ZBED1: variants seen among roughly 807,000 people sequenced by gnomAD.
ZBED1 encodes E3 SUMO-protein ligase ZBED1.
ZBED1 carries 19 observed loss-of-function variants against 49.7 expected under a neutral mutation model. The ratio of observed to expected loss-of-function variants is 0.38; its 90% confidence interval spans 0.27 to 0.56. The LOEUF (loss-of-function observed/expected upper bound fraction) is 0.56, where lower values mean the gene tolerates loss of function less well. Among genes scored for constraint, ZBED1 ranks in the 20% least tolerant of loss-of-function variants. The pLI, the probability that ZBED1 is intolerant of heterozygous loss-of-function variation, is 0.70. For missense variants in ZBED1, 806 were observed against 972.6 expected, an observed-to-expected ratio of 0.83 and a Z score of 2.28; for synonymous variants, 439 against 440.3, an observed-to-expected ratio of 1.00 and a Z score of 0.04.
chrX:2,500,099 T>A (rs1161678396), intron 1 of ZBED1, among the ~76,000 whole-genome samples: 2 of 152,200 alleles, frequency 1.3e-5, no homozygotes, highest in Non-Finnish European at 2.9e-5. Flanking sequence ...CAAAACACAG[T>A]GGCGGTCATC....
At chrX:2,493,549 T>G (rs1017309654) in intron 1 of ZBED1, among the ~76,000 whole-genome samples, 1 of 151,746 alleles carries the variant, frequency 6.6e-6, no homozygotes, top group Non-Finnish European at 1.5e-5. Flanking sequence ...TATTATTATT[T>G]TTATTATTAT....
At chrX:2,495,609 C>G (rs1267455980) in intron 1 of ZBED1, among the ~76,000 whole-genome samples, 1 of 144,780 alleles carries the variant, frequency 6.9e-6, no homozygotes, top group East Asian at 2.5e-4. Flanking sequence ...CCTGAACCCA[C>G]GTAACAGCCA....
intron 1 of ZBED1, 35 bp downstream of exon 1, chrX:2,500,781 TC>T: frequency 2.4e-6 from 2 of 820,938 alleles, no homozygotes; most frequent in Non-Finnish European, 2.9e-6. Flanking sequence ...CCCACCCGGG[TC>T]CCCGGAGCCC....
chrX:2,500,887 G>C lies in ZBED1; in HGVS notation c.-124C>G. 1.7e-6 allele frequency: 2 copies of C among 1,146,452 alleles called. No homozygotes were observed. The highest frequency in any genetic ancestry group is 9.7e-5 in the East Asian group (2 of 20,554). The allele number at this position is 1,146,452 out of a possible 1,614,324, so 71.0% of individuals were successfully genotyped here. On this transcript the variant is annotated 5_prime_UTR_variant, in exon 1 of 2. Coordinates refer to ENST00000652001, the MANE Select transcript of ZBED1 (RefSeq NM_001171136.2). ...GGATCACCGCGGCGCCTACCGCGTA[G>C]ACCCGCAGGGCCGCCCGCGCCGCAG...
intron 1 of ZBED1, among the ~76,000 whole-genome samples, chrX:2,492,236 G>A (rs191320006): frequency 6.6e-6 from 1 of 152,322 alleles, no homozygotes; most frequent in African/African-American, 2.4e-5. Context: ...CTTTAGATGA[G>A]ATTATTCTCA....
chrX:2,500,449 C>T (rs1305150182), intron 1 of ZBED1: 1 of 162,294 alleles, frequency 6.2e-6, no homozygotes, highest in South Asian at 1.2e-4. Flanking sequence ...TGCGAGCCCC[C>T]GGGTCCCCGG....
In ZBED1 at chrX:2,500,799, C is replaced by T. The variant is rs2045408485; in HGVS notation, c.-54+18G>A. 13 of 1,114,344 alleles carry T rather than the reference C, an allele frequency of 1.2e-5. No individual in the cohort carries two copies. The highest frequency in any genetic ancestry group is 1.2e-5 in the Non-Finnish European group (11 of 910,566). The allele number at this position is 1,114,344 out of a possible 1,614,324, so 69.0% of individuals were successfully genotyped here. Reference sequence around the variant, plus strand: ...ACCCGGGTCCCCGGAGCCCTGACCCCTGCCCCGCCCCGCTGACCTGGCTCC... The same window carrying T: ...ACCCGGGTCCCCGGAGCCCTGACCCTTGCCCCGCCCCGCTGACCTGGCTCC... On this transcript the variant is annotated intron_variant, in intron 1 of 1. Coordinates refer to ENST00000652001, the MANE Select transcript of ZBED1 (RefSeq NM_001171136.2).
rs1569345414 is a variant in ZBED1 at position 2,489,680 on chromosome X, A to C, written c.1040T>G (p.Val347Gly). The change falls in exon 2 of 2, where the codon GTG (valine) becomes GGG (glycine). Residue 347 changes from valine to glycine, a missense_variant. Coordinates refer to ENST00000652001, the MANE Select transcript of ZBED1 (RefSeq NM_001171136.2). ...CCCCCACCAGGAGACGCGGTTGCTC[A>C]CCAGCATGCAGTGGGCCACGTTCTG... is the stretch of plus-strand genomic sequence containing the variant. ...KQQNVAHCMLVSNRVSWWGST... is the reference protein window; with the variant it reads ...KQQNVAHCMLGSNRVSWWGST... 1 of 1,612,364 alleles carries C rather than the reference A, an allele frequency of 6.2e-7. No individual in the cohort carries two copies. Among genetic ancestry groups the C allele is most frequent in the South Asian group, 1.1e-5 (1 of 90,962 alleles).
intron 1 of ZBED1, among the ~76,000 whole-genome samples, chrX:2,499,888 A>G (rs1180852434): frequency 2.0e-5 from 3 of 152,034 alleles, no homozygotes. Flanking sequence ...ACAAAACTTT[A>G]AAACATTAGT....
At chrX:2,492,116 GAA>G (rs949688324) in intron 1 of ZBED1, among the ~76,000 whole-genome samples, 16 of 152,224 alleles carry the variant, frequency 1.1e-4, no homozygotes, top group African/African-American at 3.9e-4. Flanking sequence ...ATAGTGGGTT[GAA>G]AAGCGTCCTC....
intron 1 of ZBED1, among the ~76,000 whole-genome samples, chrX:2,491,688 G>A (rs1193441627): frequency 6.6e-6 from 1 of 152,242 alleles, no homozygotes; most frequent in Non-Finnish European, 1.5e-5. Context: ...CGTCACAGGT[G>A]CATCCGTGAT....
At chrX:2,498,467 G>A (rs2045333457) in intron 1 of ZBED1, among the ~76,000 whole-genome samples, 1 of 152,114 alleles carries the variant, frequency 6.6e-6, no homozygotes, top group Admixed American at 6.6e-5. Context: ...CCATACATAG[G>A]AAGGGGCTCG....
chrX:2,495,307 A>T (rs1332297022), intron 1 of ZBED1, among the ~76,000 whole-genome samples: 1 of 151,662 alleles, frequency 6.6e-6, no homozygotes, highest in Non-Finnish European at 1.5e-5. Flanking sequence ...TGTTATTATT[A>T]TTGGGCTGAA....
In ZBED1 at chrX:2,498,782, G is replaced by C. The variant is rs767280988; in HGVS notation, c.-54+2035C>G. Among the ~76,000 whole-genome samples, 12 of 152,262 alleles carry C rather than the reference G, an allele frequency of 7.9e-5. No individual in the cohort carries two copies. In the South Asian group the frequency reaches 2.3e-3, roughly 29 times the overall value. On this transcript the variant is annotated intron_variant, in intron 1 of 1. Transcript: ENST00000652001. ...GAGGTTTAAGGGGACCTTTCTGTAA[G>C]CAAAACTGCCCGGATAAACATAATC...
At position 2,487,795 on chromosome X, in the gene ZBED1, G is replaced by A. The variant is rs961601537; in HGVS notation, c.*840C>T. 4 of 150,308 alleles carry A rather than the reference G, an allele frequency of 2.7e-5. No homozygotes were observed. The highest frequency in any genetic ancestry group is 2.0e-4 in the East Asian group (1 of 5,098). The allele number at this position is 150,308 out of a possible 1,614,324, so 9.3% of individuals were successfully genotyped here. On this transcript the variant is annotated 3_prime_UTR_variant, in exon 2 of 2. Transcript: ENST00000652001. ...GTACTCATCTGTCACATTTTTAACCGAACATTAAAAAAAAAGGTCTCTCTT... is the reference window on the plus strand; with the variant it reads ...GTACTCATCTGTCACATTTTTAACCAAACATTAAAAAAAAAGGTCTCTCTT...
chrX:2,489,408 C>G lies in ZBED1; in HGVS notation c.1312G>C (p.Glu438Gln), dbSNP rs1222659437. 6.2e-7 allele frequency: 1 copy of G among 1,613,794 alleles called. No individual in the cohort carries two copies. The highest frequency in any genetic ancestry group is 1.3e-5 in the African/African-American group (1 of 74,898). The change falls in exon 2 of 2, where the codon GAG becomes CAG. Residue 438 changes from glutamate (E) to glutamine (Q), a missense_variant. Physicochemically the swap from Glu to Gln is conservative, Grantham distance 29. Transcript: ENST00000652001. The stretch of plus-strand genomic sequence containing the variant: ...ATGCTGAGCTCCTTGGAGTCGGTCT[C>G]CTTGATGTTGAGCGTGGTGTTCAGG... The part of the protein sequence containing the change: ...MLLNTTLNIK[E>Q]TDSKELSMAK...
intron 1 of ZBED1, among the ~76,000 whole-genome samples, chrX:2,497,206 C>A (rs1347042201): frequency 2.6e-5 from 4 of 152,182 alleles, no homozygotes; most frequent in East Asian, 3.9e-4. Context: ...ACCAGCCTGA[C>A]CAACATGGAG....
rs1272842864 is a variant in ZBED1 at position 2,486,694 on chromosome X, C to T, written c.*1941G>A. The T allele has an allele frequency of 6.6e-6, 1 of 152,304 alleles. No homozygotes were observed. Among genetic ancestry groups the T allele is most frequent in the African/African-American group, 2.4e-5 (1 of 41,474 alleles). 9.4% of individuals were successfully genotyped at this position (152,304 alleles called of 1,614,324 possible). On this transcript the variant is annotated 3_prime_UTR_variant, in exon 2 of 2. Coordinates refer to ENST00000652001, the MANE Select transcript of ZBED1 (RefSeq NM_001171136.2). ...GCAGAACAGGGAGCAACCCCAAAGC[C>T]TGCCCCACTGTGTCCCTTCCAGCTG...
Position 2,490,504 on chromosome X carries a change from G to A in ZBED1, c.216C>T (p.Pro72=), listed in dbSNP as rs151076245. Residue 72 remains proline (P), a synonymous_variant, in exon 2 of 2, where the codon CCC becomes CCT. Transcript: ENST00000652001. The part of the protein sequence containing the change: ...NLSYHLEKNH[P]EEFCEFVKSN... ...TCTTGACGAACTCGCAGAATTCCTC[G>A]GGGTGGTTCTTCTCCAGGTGGTAGG... 4.4e-3 allele frequency: 7,024 copies of A among 1,613,950 alleles called. 217 individuals are homozygous for A. The African/African-American group carries it at 0.073, about 17-fold the overall frequency.
Sources: gnomAD v4.1 joint callset for allele counts (sites outside exome capture counted in the v4.1 genomes callset) on GRCh38, gnomAD v4.1.1 for gene constraint, MANE v1.5 for transcripts, NCBI Gene and HGNC (gene_info 2026-07-23, HGNC 2026-07-21) for gene names.